IMMP2L: variants seen among roughly 807,000 people sequenced by gnomAD.
IMMP2L encodes the protein mitochondrial inner membrane protease subunit 2.
A neutral mutation model predicts 19.3 loss-of-function variants in IMMP2L; 18 were observed. The observed-to-expected ratio is 0.93, with a 90% CI of 0.64 to 1.38. The LOEUF (loss-of-function observed/expected upper bound fraction) is 1.38. Ranked by LOEUF, IMMP2L falls within the 40% of genes most tolerant of loss-of-function variation. The pLI is 0.00. For synonymous variants in IMMP2L, 76 were observed against 73.0 expected, an observed-to-expected ratio of 1.04 and a Z score of -0.21; for missense variants, 233 against 218.2, an observed-to-expected ratio of 1.07 and a Z score of -0.43.
At chr7:111,103,932 C>A (rs938354398) in intron 3 of IMMP2L, among the ~76,000 whole-genome samples, 1 of 151,354 alleles carries the variant, frequency 6.6e-6, no homozygotes, top group African/African-American at 2.4e-5. Context: ...TTTGAGAGTA[C>A]CAGAGAGCAA....
At chr7:111,199,846 G>A (rs895480788) in intron 3 of IMMP2L, among the ~76,000 whole-genome samples, 1 of 152,112 alleles carries the variant, frequency 6.6e-6, no homozygotes, top group Non-Finnish European at 1.5e-5. Context: ...TAAAGCATCA[G>A]TGGTTTACCT....
At chr7:111,425,443 A>T (rs114739380) in intron 3 of IMMP2L, among the ~76,000 whole-genome samples, 3,156 of 151,282 alleles carry the variant, frequency 0.021, 213 homozygotes, top group African/African-American at 0.073. Context: ...ACTATTCTTG[A>T]ACTCTAGTTA....
At chr7:110,782,080 A>G (rs1364649788) in intron 5 of IMMP2L, among the ~76,000 whole-genome samples, 1 of 151,878 alleles carries the variant, frequency 6.6e-6, no homozygotes, top group East Asian at 1.9e-4. Flanking sequence ...AGCCCAATAA[A>G]CACCTGGAAT....
chr7:110,775,282 G>GTGTGTGTGTGTGTGTGT (rs1799310559), intron 5 of IMMP2L, among the ~76,000 whole-genome samples: 2 of 55,464 alleles, frequency 3.6e-5, no homozygotes, highest in Non-Finnish European at 4.4e-5. Flanking sequence ...TGTGTGTGTG[G>GTGTGTGTGTGTGTGTGT]TTCTGATCTA....
intron 4 of IMMP2L, among the ~76,000 whole-genome samples, chr7:110,938,732 C>T (rs1169886143): frequency 6.6e-6 from 1 of 151,896 alleles, no homozygotes; most frequent in African/African-American, 2.4e-5. Flanking sequence ...CCTAAATCTA[C>T]AAAACAATAC....
intron 1 of IMMP2L, among the ~76,000 whole-genome samples, chr7:111,543,170 C>T (rs1277725739): frequency 6.6e-6 from 1 of 152,076 alleles, no homozygotes; most frequent in Non-Finnish European, 1.5e-5. Flanking sequence ...GTAATACTTT[C>T]GGCAAATATA....
chr7:111,031,381 GGTGT>G (rs1554496351), intron 3 of IMMP2L, among the ~76,000 whole-genome samples: 8 of 72,590 alleles, frequency 1.1e-4, no homozygotes, highest in Admixed American at 6.0e-4. Context: ...GGGGTGTAGG[GGTGT>G]GTGTGTGTGT....
chr7:111,175,354 T>C (rs1253109140), intron 3 of IMMP2L, among the ~76,000 whole-genome samples: 2 of 151,882 alleles, frequency 1.3e-5, no homozygotes, highest in Non-Finnish European at 2.9e-5. Flanking sequence ...AGACTGTCTA[T>C]TCTTTTAATT....
intron 3 of IMMP2L, among the ~76,000 whole-genome samples, chr7:111,148,770 G>A (rs1030774328): frequency 1.3e-5 from 2 of 151,884 alleles, no homozygotes; most frequent in Admixed American, 1.3e-4. Flanking sequence ...GTGTGTGTGG[G>A]TCTGTGTGTG....
chr7:110,937,089 AATATCTAATGTAG>A (rs1462942771), intron 4 of IMMP2L, among the ~76,000 whole-genome samples: 1 of 152,170 alleles, frequency 6.6e-6, no homozygotes, highest in East Asian at 1.9e-4. Context: ...CATTAGGAGA[AATATCTAATGTAG>A]ATGACAGGTT....
intron 2 of IMMP2L, among the ~76,000 whole-genome samples, chr7:111,520,054 G>A (rs932201502): frequency 1.5e-4 from 23 of 152,092 alleles, no homozygotes; most frequent in African/African-American, 5.3e-4. Flanking sequence ...CCTAAGGATT[G>A]AGTCTAAGAC....
chr7:110,896,100 T>C (rs1372395937), intron 4 of IMMP2L, among the ~76,000 whole-genome samples: 1 of 152,102 alleles, frequency 6.6e-6, no homozygotes, highest in East Asian at 1.9e-4. Flanking sequence ...GAGATTTGTG[T>C]GCAAAAGTAA....
intron 3 of IMMP2L, among the ~76,000 whole-genome samples, chr7:111,094,940 G>T (rs1400782688): frequency 3.9e-5 from 6 of 152,024 alleles, no homozygotes; most frequent in Non-Finnish European, 5.9e-5. Flanking sequence ...TTAAATACAG[G>T]ATTAACAAGG....
chr7:110,876,477 A>G (rs918911401), intron 5 of IMMP2L, among the ~76,000 whole-genome samples: 10 of 152,152 alleles, frequency 6.6e-5, no homozygotes, highest in Non-Finnish European at 1.5e-4. Context: ...AGGCAGCACA[A>G]TTCTCATCAG....
At chr7:110,913,575 G>T (rs1055203785) in intron 4 of IMMP2L, among the ~76,000 whole-genome samples, 10 of 152,104 alleles carry the variant, frequency 6.6e-5, no homozygotes, top group African/African-American at 2.4e-4. Context: ...ACTTCAAAAA[G>T]TTCATGGAAA....
intron 4 of IMMP2L, among the ~76,000 whole-genome samples, chr7:110,894,992 T>C (rs1319080789): frequency 6.6e-6 from 1 of 152,188 alleles, no homozygotes; most frequent in African/African-American, 2.4e-5. Flanking sequence ...CCCTATGTAT[T>C]AGTCCATTTT....
In IMMP2L at chr7:111,375,161, C is replaced by T. The variant is rs117569698; in HGVS notation, c.239+112077G>A. 9.7e-3 allele frequency among the ~76,000 whole-genome samples: 1,477 copies of T among 152,106 alleles called. 25 individuals are homozygous for T. The highest frequency in any genetic ancestry group is 0.011 in the Non-Finnish European group (720 of 67,982). On this transcript the variant is annotated intron_variant, in intron 3 of 5. Transcript: ENST00000405709. ...GACTAAAAGTACTCACACACTGATG[C>T]CGTATTTGCCAAACATTAAAAGGAA...
chr7:111,178,111 C>T (rs185248892), intron 3 of IMMP2L, among the ~76,000 whole-genome samples: 119 of 152,070 alleles, frequency 7.8e-4, no homozygotes, highest in African/African-American at 2.6e-3. Flanking sequence ...CAAATACAGG[C>T]GTACCTTGGA....
intron 3 of IMMP2L, among the ~76,000 whole-genome samples, chr7:111,393,189 A>G (rs534585656): frequency 6.6e-6 from 1 of 152,150 alleles, no homozygotes; most frequent in African/African-American, 2.4e-5. Context: ...CACTAGAACA[A>G]AAGATGCTCT....
Sources: allele counts gnomAD v4.1 joint callset (sites outside exome capture counted in the v4.1 genomes callset), GRCh38; gene constraint gnomAD v4.1.1; transcripts MANE v1.5; gene names NCBI Gene and HGNC (gene_info 2026-07-23, HGNC 2026-07-21).